PPP2R3A: variants seen among roughly 807,000 people sequenced by gnomAD.
PPP2R3A encodes protein phosphatase 2 regulatory subunit B''alpha.
PPP2R3A carries 80 observed loss-of-function variants against 106.9 expected under a neutral mutation model. The ratio of observed to expected loss-of-function variants is 0.75; its 90% CI spans 0.62 to 0.90. The LOEUF is 0.90. PPP2R3A is among the 40% of genes least tolerant of loss of function. PPP2R3A has a pLI of 0.00. For missense variants in PPP2R3A, 1,386 were observed against 1,350.4 expected, an observed-to-expected ratio of 1.03 and a Z score of -0.41; for synonymous variants, 483 against 468.3, an observed-to-expected ratio of 1.03 and a Z score of -0.41.
intron 8 of PPP2R3A, among the ~76,000 whole-genome samples, chr3:136,084,455 G>C (rs1000535809): frequency 1.3e-5 from 2 of 152,228 alleles, no homozygotes; most frequent in Admixed American, 6.5e-5. Context: ...ATTTGCTGCA[G>C]GGGCAGAGCC....
rs754056064 is a variant in PPP2R3A, at chr3:136,002,188, G to A, written c.690G>A (p.Lys230=). ...ATTTTTCTTCTGGGACAGACATAAA[G>A]ATGTGCTTGGACATCTTATTGAAAT... is the stretch of plus-strand genomic sequence containing the variant. The part of the protein sequence containing the change: ...IDNFSSGTDI[K]MCLDILLKCS... The change falls in exon 2 of 14, where the codon AAG becomes AAA. Residue 230 remains lysine (K), a synonymous_variant. Transcript: ENST00000264977. 2.5e-6 allele frequency: 4 copies of A among 1,613,394 alleles called. No homozygotes were observed. The African/African-American group carries it at 5.3e-5, about 22-fold the overall frequency.
At chr3:135,996,977 A>G (rs1933424825) in intron 1 of PPP2R3A, among the ~76,000 whole-genome samples, 1 of 152,182 alleles carries the variant, frequency 6.6e-6, no homozygotes, top group Admixed American at 6.5e-5. Context: ...CTCACTAGGA[A>G]AGGTATCCAC....
intron 4 of PPP2R3A, among the ~76,000 whole-genome samples, chr3:136,048,729 A>G (rs1224041914): frequency 1.3e-5 from 2 of 152,102 alleles, no homozygotes; most frequent in Non-Finnish European, 2.9e-5. Flanking sequence ...TTTAATTTGG[A>G]CAATGACGTG....
intron 2 of PPP2R3A, among the ~76,000 whole-genome samples, chr3:136,003,777 C>T (rs115917304): frequency 0.012 from 1,858 of 152,124 alleles, 41 homozygotes; most frequent in African/African-American, 0.043. Context: ...AATTACTTAC[C>T]TTTAATATCC....
At chr3:136,022,814 T>C in intron 2 of PPP2R3A, 4 of 1,245,310 alleles carry the variant, frequency 3.2e-6, no homozygotes, top group Non-Finnish European at 4.0e-6. Flanking sequence ...ACAGGCCCAC[T>C]GCAGGCTGTG....
In PPP2R3A at chr3:136,001,291, T is replaced by G; in HGVS notation, c.-208T>G. 3 of 471,496 alleles carry G rather than the reference T, an allele frequency of 6.4e-6. No homozygotes were observed. Among genetic ancestry groups the G allele is most frequent in the Non-Finnish European group, 1.1e-5 (3 of 270,262 alleles). 29.2% of individuals were successfully genotyped at this position (471,496 alleles called of 1,614,324 possible). ...AGCACAATTATTAAATTATTAAATT[T>G]GCCACACATGTGCAGCAGCTACTGT... On this transcript the variant is annotated 5_prime_UTR_variant, in exon 2 of 14. Transcript: ENST00000264977.
intron 8 of PPP2R3A, among the ~76,000 whole-genome samples, chr3:136,082,866 G>A (rs763301913): frequency 5.5e-4 from 84 of 152,196 alleles, no homozygotes; most frequent in Admixed American, 2.0e-3. Flanking sequence ...ATTTACTTTT[G>A]GAAATTTTGT....
At chr3:136,027,191 A>C in intron 3 of PPP2R3A, 93 bp downstream of exon 3, 1 of 1,156,124 alleles carries the variant, frequency 8.6e-7, no homozygotes, top group Non-Finnish European at 1.2e-6. Context: ...ACCCCCCTTC[A>C]CTGCCTCTTT....
intron 13 of PPP2R3A, among the ~76,000 whole-genome samples, chr3:136,112,577 G>A (rs778154206): frequency 5.3e-4 from 80 of 152,302 alleles, no homozygotes; most frequent in Non-Finnish European, 1.0e-3. Flanking sequence ...AATAAGGGAT[G>A]TGAAAGATCT....
At chr3:136,073,400 G>C (rs966271754) in intron 6 of PPP2R3A, among the ~76,000 whole-genome samples, 3 of 152,198 alleles carry the variant, frequency 2.0e-5, no homozygotes, top group Non-Finnish European at 4.4e-5. Flanking sequence ...CGAATTAATA[G>C]AGTACAGTTA....
intron 13 of PPP2R3A, among the ~76,000 whole-genome samples, chr3:136,119,384 C>T (rs1937904901): frequency 6.6e-6 from 1 of 152,150 alleles, no homozygotes; most frequent in Non-Finnish European, 1.5e-5. Context: ...TCTAATTAAA[C>T]TAAAGAGTTT....
rs752626313 is a variant in PPP2R3A, at chr3:136,084,203, C to A, written c.2788+1782C>A. ...TGGTTTTCTGGGCCAGGCCTGGGGC[C>A]CCCCCTGCTCTATGCAGCCTCTGAA... is the stretch of plus-strand genomic sequence containing the variant. On this transcript the variant is annotated intron_variant, in intron 8 of 13. Coordinates refer to ENST00000264977, the MANE Select transcript of PPP2R3A (RefSeq NM_002718.5). Among the ~76,000 whole-genome samples, 7 of 152,176 alleles carry A rather than the reference C, an allele frequency of 4.6e-5. No homozygotes were observed. The East Asian group carries it at 5.8e-4, about 13-fold the overall frequency.
chr3:136,077,467 T>TTAA (rs1161617174), intron 6 of PPP2R3A, among the ~76,000 whole-genome samples: 1 of 152,138 alleles, frequency 6.6e-6, no homozygotes, highest in Non-Finnish European at 1.5e-5. Context: ...ATTTCTGTAT[T>TTAA]ATTAGACTAT....
chr3:136,027,479 G>C (rs149222310), intron 3 of PPP2R3A, among the ~76,000 whole-genome samples: 216 of 152,238 alleles, frequency 1.4e-3, no homozygotes, highest in African/African-American at 5.0e-3. Context: ...AGACAAGGAA[G>C]CATTAGACCA....
chr3:136,131,387 A>G lies in PPP2R3A; in HGVS notation c.3330-13656A>G, dbSNP rs542906359. 1.6e-4 allele frequency among the ~76,000 whole-genome samples: 24 copies of G among 152,380 alleles called. No individual in the cohort carries two copies. The East Asian group carries it at 3.7e-3, about 23-fold the overall frequency. On this transcript the variant is annotated intron_variant, in intron 13 of 13. Coordinates refer to ENST00000264977, the MANE Select transcript of PPP2R3A (RefSeq NM_002718.5). Reference sequence around the variant, plus strand: ...AGACACTTCTCAAAAGAAGACACCTATGCAGCCAACAGACACATGAAAAAA... The same window carrying G: ...AGACACTTCTCAAAAGAAGACACCTGTGCAGCCAACAGACACATGAAAAAA...
chr3:136,061,828 G>C (rs1185221452), intron 5 of PPP2R3A, among the ~76,000 whole-genome samples: 1 of 150,344 alleles, frequency 6.7e-6, no homozygotes, highest in Non-Finnish European at 1.5e-5. Context: ...GCTGAGGCAG[G>C]AGAATGGCAT....
intron 7 of PPP2R3A, among the ~76,000 whole-genome samples, chr3:136,078,975 T>TA (rs1246357399): frequency 2.6e-5 from 4 of 152,242 alleles, no homozygotes; most frequent in Non-Finnish European, 5.9e-5. Context: ...GTGGGAGCCT[T>TA]TTACCGAAGT....
chr3:136,012,128 A>C (rs1375123575), intron 2 of PPP2R3A, among the ~76,000 whole-genome samples: 1 of 152,160 alleles, frequency 6.6e-6, no homozygotes, highest in African/African-American at 2.4e-5. Context: ...TTTCTCCAAC[A>C]TATTTATAGG....
intron 4 of PPP2R3A, among the ~76,000 whole-genome samples, 194 bp from the exon 5 acceptor site, chr3:136,049,065 G>A (rs144145862): frequency 7.1e-4 from 108 of 152,306 alleles, no homozygotes; most frequent in African/African-American, 2.5e-3. Context: ...AGGGAAGAGG[G>A]TCTAATAGAC....
Sources: gnomAD v4.1 joint callset for allele counts (sites outside exome capture counted in the v4.1 genomes callset) on GRCh38, gnomAD v4.1.1 for gene constraint, MANE v1.5 for transcripts, NCBI Gene and HGNC (gene_info 2026-07-23, HGNC 2026-07-21) for gene names.